The following CTIF variants were observed in gnomAD, a reference collection of about 807,000 sequenced individuals.
CTIF encodes CBP80/20-dependent translation initiation factor.
In CTIF, 21 loss-of-function variants were observed where a neutral mutation model predicts 66.0. That is an observed-to-expected ratio of 0.32 (90% CI 0.23 to 0.46). The LOEUF (loss-of-function observed/expected upper bound fraction) is 0.46. Ranked by LOEUF, CTIF falls within the 20% of genes least tolerant of loss-of-function variation. CTIF has a pLI of 1.00. For missense variants in CTIF, 739 were observed against 812.7 expected (o/e 0.91, Z 1.10); for synonymous variants, 345 against 326.4 (o/e 1.06, Z -0.62).
chr18:48,739,158 T>A (rs2092532140), intron 7 of CTIF, among the ~76,000 whole-genome samples: 1 of 151,876 alleles, frequency 6.6e-6, no homozygotes, highest in Non-Finnish European at 1.5e-5. Flanking sequence ...TGGGTGGGAG[T>A]CATTACTCTT....
intron 8 of CTIF, among the ~76,000 whole-genome samples, chr18:48,759,901 C>CTCAG (rs949964668): frequency 1.8e-3 from 271 of 152,284 alleles, no homozygotes; most frequent in African/African-American, 6.4e-3. Context: ...AAGACATGGG[C>CTCAG]TCAGGCTCAG....
At chr18:48,704,775 T>C (rs2092129635) in intron 6 of CTIF, among the ~76,000 whole-genome samples, 1 of 152,212 alleles carries the variant, frequency 6.6e-6, no homozygotes, top group South Asian at 2.1e-4. Flanking sequence ...AGTAGCCCTC[T>C]TTCCCAATCA....
At chr18:48,845,169 G>A (rs2069043123) in intron 10 of CTIF, among the ~76,000 whole-genome samples, 1 of 151,920 alleles carries the variant, frequency 6.6e-6, no homozygotes. Context: ...GGGTGGGGGA[G>A]AGAGAGAGAG....
chr18:48,834,093 A>G (rs1457312023), intron 10 of CTIF, among the ~76,000 whole-genome samples: 6 of 147,540 alleles, frequency 4.1e-5, no homozygotes. Context: ...GAGGGTCGGC[A>G]AATGTCTGGT....
chr18:48,800,779 G>A (rs1167076380), intron 9 of CTIF, among the ~76,000 whole-genome samples: 1 of 152,222 alleles, frequency 6.6e-6, no homozygotes, highest in Admixed American at 6.5e-5. Context: ...GGCTGAGTGG[G>A]AGTCGGACCA....
At chr18:48,590,400 T>C (rs1177781277) in intron 1 of CTIF, among the ~76,000 whole-genome samples, 2 of 152,100 alleles carry the variant, frequency 1.3e-5, no homozygotes, top group Non-Finnish European at 2.9e-5. Context: ...AGGAGGCCTG[T>C]GGGAAAGGGG....
intron 7 of CTIF, among the ~76,000 whole-genome samples, chr18:48,714,244 C>T (rs2092257638): frequency 6.6e-6 from 1 of 152,180 alleles, no homozygotes; most frequent in Non-Finnish European, 1.5e-5. Flanking sequence ...GGTTCACCTT[C>T]CTAATATTCT....
At chr18:48,587,106 G>T (rs1282582602) in intron 1 of CTIF, among the ~76,000 whole-genome samples, 11 of 149,356 alleles carry the variant, frequency 7.4e-5, no homozygotes, top group African/African-American at 2.7e-4. Flanking sequence ...AATTGAGACG[G>T]AGTCTTGCTC....
intron 7 of CTIF, among the ~76,000 whole-genome samples, chr18:48,753,586 A>G (rs971146411): frequency 1.3e-5 from 2 of 150,778 alleles, no homozygotes; most frequent in African/African-American, 4.9e-5. Flanking sequence ...GCATAAACCG[A>G]CAATTTCCAT....
chr18:48,741,311 G>C (rs1267480085), intron 7 of CTIF, among the ~76,000 whole-genome samples: 6 of 148,672 alleles, frequency 4.0e-5, no homozygotes, highest in Non-Finnish European at 7.4e-5. Context: ...TTGCCAGGCA[G>C]TGGGTACTCC....
Position 48,761,706 on chromosome 18 carries a change from C to T in CTIF, c.1371+17C>T. 6.3e-7 allele frequency: 1 copy of T among 1,597,084 alleles called. No homozygotes were observed. Among genetic ancestry groups the T allele is most frequent in the Non-Finnish European group, 8.6e-7 (1 of 1,168,206 alleles). ...ATGCTGCAGGTAACTGGACGCCGGC[C>T]ACCACCGCCCCGCGCCCCCTGCCCC... On this transcript the variant is annotated intron_variant, in intron 9 of 11. Transcript: ENST00000256413. The surrounding 1 kb of genome is among the most constrained non-coding windows in gnomAD (Gnocchi z 4.2).
intron 1 of CTIF, among the ~76,000 whole-genome samples, chr18:48,583,400 G>C (rs991848212): frequency 6.6e-6 from 1 of 152,218 alleles, no homozygotes; most frequent in African/African-American, 2.4e-5. Context: ...ATGAGGATGA[G>C]AGTGTTACCA....
At chr18:48,705,730 C>T (rs73958934) in intron 6 of CTIF, among the ~76,000 whole-genome samples, 2,136 of 152,366 alleles carry the variant, frequency 0.014, 50 homozygotes, top group African/African-American at 0.049. Context: ...GATGCTGCTG[C>T]CATCGGCCTG....
intron 7 of CTIF, among the ~76,000 whole-genome samples, chr18:48,730,857 G>A (rs2092451254): frequency 6.8e-6 from 1 of 146,022 alleles, no homozygotes; most frequent in South Asian, 2.2e-4. Context: ...CCCGCAGCAT[G>A]AGGGGCCTCC....
At chr18:48,833,270 G>A (rs1217028713) in intron 10 of CTIF, among the ~76,000 whole-genome samples, 1 of 152,202 alleles carries the variant, frequency 6.6e-6, no homozygotes, top group Non-Finnish European at 1.5e-5. Context: ...GACTTGCTTG[G>A]CTAACGCTGC....
At chr18:48,613,273 C>G (rs1334593632) in intron 1 of CTIF, among the ~76,000 whole-genome samples, 3 of 152,162 alleles carry the variant, frequency 2.0e-5, no homozygotes, top group Admixed American at 6.5e-5. Flanking sequence ...TCAGCCTTAC[C>G]TTTTCCTCCA....
Position 48,648,651 on chromosome 18 carries a change from C to T in CTIF, c.252+11966C>T, listed in dbSNP as rs188781355. Among the ~76,000 whole-genome samples the T allele has an allele frequency of 4.4e-3, 671 of 152,320 alleles. 9 individuals are homozygous for T. The highest frequency in any genetic ancestry group is 0.015 in the African/African-American group (644 of 41,582). On this transcript the variant is annotated intron_variant, in intron 3 of 11. Transcript: ENST00000256413. Reference sequence around the variant, plus strand: ...TTTAGTTTGGGCCTGAGAGGAGTTTCAGATCTGGCCCATAGGAAGCCTCTG... The same window carrying T: ...TTTAGTTTGGGCCTGAGAGGAGTTTTAGATCTGGCCCATAGGAAGCCTCTG...
chr18:48,606,167 T>C (rs1040069373), intron 1 of CTIF, among the ~76,000 whole-genome samples: 1 of 152,204 alleles, frequency 6.6e-6, no homozygotes, highest in Non-Finnish European at 1.5e-5. Flanking sequence ...AAGAAGCCTT[T>C]GCAGCTCAAA....
intron 9 of CTIF, among the ~76,000 whole-genome samples, chr18:48,813,980 C>G (rs1305421605): frequency 3.9e-5 from 6 of 152,200 alleles, no homozygotes; most frequent in Non-Finnish European, 8.8e-5. Flanking sequence ...CAGCCAGAGA[C>G]AGATAGAGGA....
Sources: gnomAD v4.1 joint callset for allele counts (sites outside exome capture counted in the v4.1 genomes callset) on GRCh38, gnomAD v4.1.1 for gene constraint, Gnocchi (gnomAD v3.1) non-coding constraint, MANE v1.5 for transcripts, NCBI Gene and HGNC (gene_info 2026-07-23, HGNC 2026-07-21) for gene names.